The following IFIH1 variants were observed in gnomAD, a reference collection of about 807,000 sequenced individuals.
IFIH1 encodes interferon induced with helicase C domain 1, also known as interferon-induced helicase C domain-containing protein 1.
A neutral mutation model predicts 107.4 loss-of-function variants in IFIH1; 125 were observed. The observed-to-expected ratio is 1.16, with a 90% confidence interval of 1.01 to 1.35. The LOEUF is 1.35. Among genes scored for constraint, IFIH1 ranks in the 40% most tolerant of loss-of-function variants. IFIH1 has a pLI of 0.00. For missense variants in IFIH1, 1,333 were observed against 1,213.7 expected, an observed-to-expected ratio of 1.10 and a Z score of -1.46; for synonymous variants, 458 against 413.2, an observed-to-expected ratio of 1.11 and a Z score of -1.31.
intron 3 of IFIH1, among the ~76,000 whole-genome samples, chr2:162,303,295 T>C (rs889751637): frequency 6.6e-6 from 1 of 152,206 alleles, no homozygotes; most frequent in Non-Finnish European, 1.5e-5. Flanking sequence ...TTTGTATTTT[T>C]AATACAGATA....
chr2:162,267,277 T>C lies in IFIH1; in HGVS notation c.3001A>G (p.Lys1001Glu). ...GTGATAGGTAATTCTACCCACTTTTTGTATTGTTTCTTTGTTGAATTATTT... is the reference window on the plus strand; with the variant it reads ...GTGATAGGTAATTCTACCCACTTTTCGTATTGTTTCTTTGTTGAATTATTT... The part of the protein sequence containing the change: ...FKNNSTKKQY[K>E]KWVELPITFP... The change falls in exon 16 of 16, where the codon AAA becomes GAA. Residue 1001 changes from lysine to glutamate, a missense_variant. Lys to Glu is a moderately conservative substitution (Grantham distance 56). Transcript: ENST00000649979. 2.5e-6 allele frequency: 4 copies of C among 1,612,188 alleles called. No homozygotes were observed. Among genetic ancestry groups the C allele is most frequent in the Non-Finnish European group, 3.4e-6 (4 of 1,179,444 alleles).
intron 3 of IFIH1, among the ~76,000 whole-genome samples, chr2:162,301,474 T>C (rs1306984458): frequency 1.3e-5 from 2 of 152,230 alleles, no homozygotes; most frequent in Non-Finnish European, 2.9e-5. Context: ...TTCTGCTCCA[T>C]TCTGCATAAA....
rs1470509556 is a variant in IFIH1 at position 162,282,472 on chromosome 2, A to G, written c.1200T>C (p.Phe400=). 1 of 1,611,530 alleles carries G rather than the reference A, an allele frequency of 6.2e-7. No individual in the cohort carries two copies. Among genetic ancestry groups the G allele is most frequent in the Non-Finnish European group, 8.5e-7 (1 of 1,178,330 alleles). ...LSGDTQLKIS[F]PEVVKSCDII... ...TATCACAGGACTTGACAACTTCTGGAAATGATATTTTCAGTTGGGTATCAC... is the reference window on the plus strand; with the variant it reads ...TATCACAGGACTTGACAACTTCTGGGAATGATATTTTCAGTTGGGTATCAC... Residue 400 remains phenylalanine, a synonymous_variant, in exon 6 of 16, where the codon TTT becomes TTC. Transcript: ENST00000649979.
At chr2:162,293,746 A>G in intron 3 of IFIH1, 78 bp from the exon 4 acceptor site, 1 of 851,562 alleles carries the variant, frequency 1.2e-6, no homozygotes, top group Admixed American at 2.0e-5. Flanking sequence ...CCTCTACAGC[A>G]CACAGTACAT....
In IFIH1 at chr2:162,267,530, C is replaced by G. The variant is rs77041372; in HGVS notation, c.2847G>C (p.Lys949Asn). The change falls in exon 15 of 16, where the codon AAG (lysine) becomes AAC (asparagine). Residue 949 changes from lysine to asparagine, a missense_variant. Lys to Asn is a moderately conservative substitution (Grantham distance 94, BLOSUM62 0). Transcript: ENST00000649979. ...CATTTATTTGATAGTCGGCACACTT[C>G]TTTTGCAGTGCTTTGTTTTCTCTTA... ...YIVRENKALQ[K>N]KCADYQINGE... 7.4e-6 allele frequency: 12 copies of G among 1,613,562 alleles called. No homozygotes were observed. Among genetic ancestry groups the G allele is most frequent in the Non-Finnish European group, 9.3e-6 (11 of 1,179,538 alleles).
At chr2:162,270,326 T>G (rs186104860) in intron 13 of IFIH1, among the ~76,000 whole-genome samples, 3 of 152,232 alleles carry the variant, frequency 2.0e-5, no homozygotes, top group Admixed American at 2.0e-4. Context: ...ATGTTTAAAC[T>G]GTGTTTATGA....
chr2:162,289,901 A>G (rs1682966862), intron 4 of IFIH1, among the ~76,000 whole-genome samples: 1 of 151,956 alleles, frequency 6.6e-6, no homozygotes, highest in Non-Finnish European at 1.5e-5. Context: ...AATATTTACA[A>G]TAGTTCATCT....
In IFIH1 at chr2:162,273,842, T is replaced by G. The variant is rs774958328; in HGVS notation, c.2407A>C (p.Ile803Leu). The G allele has an allele frequency of 1.2e-5, 19 of 1,610,888 alleles. No individual in the cohort carries two copies. The highest frequency in any genetic ancestry group is 1.5e-5 in the Non-Finnish European group (18 of 1,178,136). Residue 803 changes from isoleucine (I) to leucine (L), a missense_variant, in exon 12 of 16, where the codon ATT (isoleucine) becomes CTT (leucine). By Grantham distance (5) the Ile-to-Leu change is conservative (BLOSUM62 2). Transcript: ENST00000649979. ...EEGLDIKECN[I>L]VIRYGLVTNE... ...GTGACGAGACCATAACGGATAACAA[T>G]GTTACATTCTTTAATATCCAGACCT...
Position 162,318,244 on chromosome 2 carries a change from C to T in IFIH1, c.64G>A (p.Val22Met), listed in dbSNP as rs1683551693. ...GGCTCCACCTGGATGTACATTTTCA[C>T]CCTGGCCCTGAAGCACGAGATGAGA... ...RYLISCFRAR[V>M]KMYIQVEPVL... The change falls in exon 1 of 16, where the codon GTG becomes ATG. Residue 22 changes from valine (V) to methionine (M), a missense_variant. Coordinates refer to ENST00000649979, the MANE Select transcript of IFIH1 (RefSeq NM_022168.4). 6.2e-7 allele frequency: 1 copy of T among 1,614,138 alleles called. No homozygotes were observed. The highest frequency in any genetic ancestry group is 1.3e-5 in the African/African-American group (1 of 75,044).
At position 162,277,769 on chromosome 2, in the gene IFIH1, A is replaced by G. The variant is rs1682726486; in HGVS notation, c.1766-76T>C. The G allele has an allele frequency of 2.0e-6, 3 of 1,489,282 alleles. No individual in the cohort carries two copies. In the East Asian group the frequency reaches 7.0e-5, roughly 35 times the overall value. 92.3% of individuals were successfully genotyped at this position (1,489,282 alleles called of 1,614,324 possible). ...AAAATTGTGCCATGGACTTGAATATATGTTACTAACTGCAAAACTGGCTTC... is the reference window on the plus strand; with the variant it reads ...AAAATTGTGCCATGGACTTGAATATGTGTTACTAACTGCAAAACTGGCTTC... On this transcript the variant is annotated intron_variant, in intron 9 of 15. Coordinates refer to ENST00000649979, the MANE Select transcript of IFIH1 (RefSeq NM_022168.4).
At chr2:162,296,134 A>G (rs1200771107) in intron 3 of IFIH1, among the ~76,000 whole-genome samples, 1 of 152,108 alleles carries the variant, frequency 6.6e-6, no homozygotes, top group Non-Finnish European at 1.5e-5. Flanking sequence ...CTAGCAGTTA[A>G]ACTTTAATCT....
intron 3 of IFIH1, among the ~76,000 whole-genome samples, chr2:162,297,375 G>A (rs547061943): frequency 6.6e-6 from 1 of 152,220 alleles, no homozygotes; most frequent in South Asian, 2.1e-4. Context: ...GGAGTTAATT[G>A]GAGGCAGGCC....
In IFIH1 at chr2:162,268,295, T is replaced by C; in HGVS notation, c.2617-18A>G. On this transcript the variant is annotated intron_variant, in intron 13 of 15. Coordinates refer to ENST00000649979, the MANE Select transcript of IFIH1 (RefSeq NM_022168.4). The stretch of plus-strand genomic sequence containing the variant: ...TCCAAAATCTGGACAGAGAAAGGAA[T>C]AGTTAGTGGTTTCAGGTTTGTTTTC... 6.6e-7 allele frequency: 1 copy of C among 1,524,250 alleles called. No individual in the cohort carries two copies. Among genetic ancestry groups the C allele is most frequent in the South Asian group, 1.2e-5 (1 of 83,734 alleles). The allele number at this position is 1,524,250 out of a possible 1,614,324, so 94.4% of individuals were successfully genotyped here.
intron 5 of IFIH1, 144 bp downstream of exon 5, chr2:162,287,991 T>C (rs1682926855): frequency 5.0e-6 from 3 of 604,314 alleles, no homozygotes; most frequent in African/African-American, 3.7e-5. Flanking sequence ...CTAAAAAAGA[T>C]TAAAGATAAA....
intron 10 of IFIH1, 78 bp from the exon 11 acceptor site, chr2:162,277,024 T>C (rs1358302712): frequency 2.0e-6 from 2 of 985,552 alleles, no homozygotes; most frequent in Non-Finnish European, 3.0e-6. Context: ...ATCAAACATT[T>C]TGTACACCAA....
rs1417711279 is a variant in IFIH1, at chr2:162,272,223, T to C, written c.2616+3A>G. 1 of 1,608,858 alleles carries C rather than the reference T, an allele frequency of 6.2e-7. No individual in the cohort carries two copies. ...AATCAAATTCAGAGGTGACCAACAA[T>C]ACCTTATGAGCATACTCCTCTGGTT... On this transcript the variant is annotated splice_donor_region_variant and intron_variant, in intron 13 of 15. Coordinates refer to ENST00000649979, the MANE Select transcript of IFIH1 (RefSeq NM_022168.4).
intron 4 of IFIH1, 122 bp from the exon 5 acceptor site, chr2:162,288,477 T>C: frequency 1.5e-6 from 1 of 657,092 alleles, no homozygotes; most frequent in Admixed American, 2.8e-5. Flanking sequence ...TCCAAACCAA[T>C]TCATTTTCTC....
At chr2:162,300,096 T>A (rs1007127764) in intron 3 of IFIH1, among the ~76,000 whole-genome samples, 1 of 152,204 alleles carries the variant, frequency 6.6e-6, no homozygotes, top group Non-Finnish European at 1.5e-5. Flanking sequence ...CATGGCTAGA[T>A]TACAGTTTCT....
chr2:162,311,030 A>C, intron 1 of IFIH1, 97 bp from the exon 2 acceptor site: 1 of 861,022 alleles, frequency 1.2e-6, no homozygotes, highest in Non-Finnish European at 1.8e-6. Flanking sequence ...AATTAAGCAT[A>C]AGTATAAATA....
Sources: gnomAD v4.1 joint callset for allele counts (sites outside exome capture counted in the v4.1 genomes callset) on GRCh38, gnomAD v4.1.1 for gene constraint, MANE v1.5 for transcripts, NCBI Gene and HGNC (gene_info 2026-07-23, HGNC 2026-07-21) for gene names.